Variants in ITPKB observed in about 807,000 individuals in gnomAD.
ITPKB encodes the protein inositol-trisphosphate 3-kinase B, also known as IP3 3-kinase B.
In ITPKB, 13 loss-of-function variants were observed where a neutral mutation model predicts 69.4. The ratio of observed to expected loss-of-function variants is 0.19; its 90% CI spans 0.12 to 0.30. The LOEUF is 0.30. Ranked by LOEUF, ITPKB falls within the 10% of genes least tolerant of loss-of-function variation. The pLI, the probability that ITPKB is intolerant of heterozygous loss-of-function variation, is 1.00. For missense variants in ITPKB, 1,240 were observed against 1,250.5 expected (o/e 0.99, Z 0.13); for synonymous variants, 584 against 513.7 (o/e 1.14, Z -1.85).
intron 2 of ITPKB, among the ~76,000 whole-genome samples, chr1:226,700,028 G>A (rs759663617): frequency 2.0e-5 from 3 of 152,108 alleles, no homozygotes; most frequent in South Asian, 2.1e-4. Flanking sequence ...TAGTCTTTTC[G>A]CGTTTTTCTG....
chr1:226,734,787 C>T (rs1034236210), intron 2 of ITPKB, among the ~76,000 whole-genome samples: 3 of 152,222 alleles, frequency 2.0e-5, no homozygotes, highest in African/African-American at 7.2e-5. Context: ...AAATGTCAAC[C>T]TGTACCAACT....
At position 226,634,657 on chromosome 1, in the gene ITPKB, A is replaced by G; in HGVS notation, c.*14T>C. 1 of 778,184 alleles carries G rather than the reference A, an allele frequency of 1.3e-6. No individual in the cohort carries two copies. The highest frequency in any genetic ancestry group is 2.4e-5 in the East Asian group (1 of 40,948). 48.2% of individuals were successfully genotyped at this position (778,184 alleles called of 1,614,324 possible). On this transcript the variant is annotated 3_prime_UTR_variant, in exon 8 of 8. Coordinates refer to ENST00000429204, the MANE Select transcript of ITPKB (RefSeq NM_002221.4). This position sits in a 1 kb window ranked among gnomAD's most constrained non-coding sequence, Gnocchi z 6.3. ...AAGGAGGCCCAGGCGGGGGCCAGGGAGGGCGTGGGCAGCTCAGGCGAGTGG... is the reference window on the plus strand; with the variant it reads ...AAGGAGGCCCAGGCGGGGGCCAGGGGGGGCGTGGGCAGCTCAGGCGAGTGG...
chr1:226,695,624 T>G (rs697851), intron 2 of ITPKB, among the ~76,000 whole-genome samples: 36,836 of 152,106 alleles, frequency 0.24, 4,649 homozygotes, highest in Middle Eastern at 0.36. Context: ...TTCTCACACC[T>G]GCCGCAGACC....
intron 2 of ITPKB, among the ~76,000 whole-genome samples, chr1:226,718,659 A>G (rs1657154881): frequency 6.6e-6 from 1 of 152,192 alleles, no homozygotes; most frequent in African/African-American, 2.4e-5. Flanking sequence ...ATGGCCTTGC[A>G]TACCTGCATA....
chr1:226,738,302 G>A lies in ITPKB; in HGVS notation c.-205-639C>T, dbSNP rs774957509. 3.3e-5 allele frequency among the ~76,000 whole-genome samples: 5 copies of A among 152,160 alleles called. No homozygotes were observed. The highest frequency in any genetic ancestry group is 5.9e-5 in the Non-Finnish European group (4 of 68,022). On this transcript the variant is annotated intron_variant, in intron 1 of 7. Transcript: ENST00000429204. The surrounding 1 kb of genome is among the most constrained non-coding windows in gnomAD (Gnocchi z 4.2). Reference sequence around the variant, plus strand: ...CTCTCGGCCTACGAAGGCCTGGGCGGGCAGCGGGGCCGCAGCCGAAGCATT... The same window carrying A: ...CTCTCGGCCTACGAAGGCCTGGGCGAGCAGCGGGGCCGCAGCCGAAGCATT...
At chr1:226,704,533 T>G (rs1463032704) in intron 2 of ITPKB, among the ~76,000 whole-genome samples, 1 of 152,194 alleles carries the variant, frequency 6.6e-6, no homozygotes, top group African/African-American at 2.4e-5. Flanking sequence ...CAATGAAAAT[T>G]GTCATTCTGG....
intron 2 of ITPKB, among the ~76,000 whole-genome samples, chr1:226,649,442 CGTGT>C (rs34793811): frequency 1.3e-3 from 183 of 135,944 alleles, no homozygotes; most frequent in African/African-American, 4.8e-3. Flanking sequence ...CGTATGTGTG[CGTGT>C]GTGTGCATGT....
intron 2 of ITPKB, among the ~76,000 whole-genome samples, chr1:226,652,666 G>A (rs994258395): frequency 1.3e-5 from 2 of 152,330 alleles, no homozygotes; most frequent in South Asian, 4.1e-4. Context: ...GTGTGGCAAA[G>A]GGTACCTGGT....
At chr1:226,726,437 G>A (rs1657415854) in intron 2 of ITPKB, among the ~76,000 whole-genome samples, 1 of 152,198 alleles carries the variant, frequency 6.6e-6, no homozygotes, top group African/African-American at 2.4e-5. Flanking sequence ...GGCGGATTGG[G>A]AGGCCAAGGT....
chr1:226,652,599 G>A (rs1346552230), intron 2 of ITPKB, among the ~76,000 whole-genome samples: 1 of 152,232 alleles, frequency 6.6e-6, no homozygotes, highest in East Asian at 1.9e-4. Context: ...CAGGTCTCCA[G>A]CCTCTCAAGC....
Position 226,637,855 on chromosome 1 carries a change from C to T in ITPKB, c.2554-105G>A. 1 of 822,888 alleles carries T rather than the reference C, an allele frequency of 1.2e-6. No homozygotes were observed. Among genetic ancestry groups the T allele is most frequent in the East Asian group, 2.6e-5 (1 of 37,784 alleles). 51.0% of individuals were successfully genotyped at this position (822,888 alleles called of 1,614,324 possible). A position where few individuals can be genotyped will look rare whatever the true frequency, so the allele number is the denominator to read the frequency against. ...GTCCCTCCCGTGAATGTGCTTTACC[C>T]TAAACGCCGGACATCTAGAGGCAGC... On this transcript the variant is annotated intron_variant, in intron 6 of 7. Coordinates refer to ENST00000429204, the MANE Select transcript of ITPKB (RefSeq NM_002221.4). The surrounding 1 kb of genome is among the most constrained non-coding windows in gnomAD (Gnocchi z 4.3).
At chr1:226,655,373 G>A (rs1043710758) in intron 2 of ITPKB, among the ~76,000 whole-genome samples, 2 of 152,188 alleles carry the variant, frequency 1.3e-5, no homozygotes, top group Non-Finnish European at 2.9e-5. Context: ...TCCTGGGGAG[G>A]AAATGGCCCC....
rs189726207 is a variant in ITPKB at position 226,643,749 on chromosome 1, G to A, written c.2247-1624C>T. ...CTTCCAGGAGGTGATGAGGGCTGGA[G>A]GGGGAAGTCAGTAGCTTTGGGTTGG... is the stretch of plus-strand genomic sequence containing the variant. On this transcript the variant is annotated intron_variant, in intron 4 of 7. Transcript: ENST00000429204. Among the ~76,000 whole-genome samples the A allele has an allele frequency of 1.2e-3, 183 of 152,384 alleles. 2 individuals are homozygous for A. Among genetic ancestry groups the A allele is most frequent in the South Asian group, 9.1e-3 (44 of 4,834 alleles).
intron 2 of ITPKB, among the ~76,000 whole-genome samples, chr1:226,694,438 T>C (rs1366003724): frequency 6.6e-6 from 1 of 152,232 alleles, no homozygotes; most frequent in Non-Finnish European, 1.5e-5. Context: ...CTTTAATTAG[T>C]GACAGCAACA....
At chr1:226,704,208 A>G (rs1007092082) in intron 2 of ITPKB, among the ~76,000 whole-genome samples, 1 of 152,242 alleles carries the variant, frequency 6.6e-6, no homozygotes, top group Non-Finnish European at 1.5e-5. Context: ...TAAAGAATAT[A>G]AACATTAATA....
At chr1:226,664,454 C>G (rs1288938) in intron 2 of ITPKB, among the ~76,000 whole-genome samples, 1 of 152,082 alleles carries the variant, frequency 6.6e-6, no homozygotes, top group Non-Finnish European at 1.5e-5. Context: ...GGGCAGTACA[C>G]GTATCGTGGT....
At position 226,673,907 on chromosome 1, in the gene ITPKB, G is replaced by A. The variant is rs79623545; in HGVS notation, c.1933-25136C>T. Among the ~76,000 whole-genome samples, 256 of 152,270 alleles carry A rather than the reference G, an allele frequency of 1.7e-3. 2 individuals carry two copies. Among genetic ancestry groups the A allele is most frequent in the African/African-American group, 6.0e-3 (249 of 41,544 alleles). On this transcript the variant is annotated intron_variant, in intron 2 of 7. Coordinates refer to ENST00000429204, the MANE Select transcript of ITPKB (RefSeq NM_002221.4). ...AGGCTCAGAGACCTGCTCTGTTACT[G>A]TTCTATTTAATAACACAAACACACA...
At chr1:226,723,290 G>A (rs1227751926) in intron 2 of ITPKB, among the ~76,000 whole-genome samples, 3 of 152,116 alleles carry the variant, frequency 2.0e-5, no homozygotes, top group African/African-American at 7.2e-5. Flanking sequence ...CACTTCAAGA[G>A]GAGGCCAGGG....
chr1:226,691,686 A>G (rs750562169), intron 2 of ITPKB, among the ~76,000 whole-genome samples: 4 of 152,202 alleles, frequency 2.6e-5, no homozygotes, highest in Non-Finnish European at 5.9e-5. Flanking sequence ...TCATTCTCTG[A>G]CCCATTTCAA....
Sources: allele counts gnomAD v4.1 joint callset (sites outside exome capture counted in the v4.1 genomes callset), GRCh38; gene constraint gnomAD v4.1.1; non-coding constraint Gnocchi (gnomAD v3.1); transcripts MANE v1.5; gene names NCBI Gene and HGNC (gene_info 2026-07-23, HGNC 2026-07-21).